CPS1: variants seen among roughly 807,000 people sequenced by gnomAD.
The protein encoded by CPS1 is carbamoyl-phosphate synthase 1.
Under a neutral mutation model 174.6 loss-of-function variants are expected in CPS1, and 109 were observed. That is an observed-to-expected ratio of 0.62 (90% CI 0.53 to 0.73). CPS1 has a LOEUF of 0.73. Ranked by LOEUF, CPS1 falls within the 30% of genes least tolerant of loss-of-function variation. The pLI, the probability that CPS1 is intolerant of heterozygous loss-of-function variation, is 0.00. For synonymous variants in CPS1, 637 were observed against 632.0 expected, an observed-to-expected ratio of 1.01 and a Z score of -0.12; for missense variants, 1,689 against 1,821.9, an observed-to-expected ratio of 0.93 and a Z score of 1.33.
intron 5 of CPS1, among the ~76,000 whole-genome samples, chr2:210,581,967 T>C (rs1053469083): frequency 6.6e-6 from 1 of 152,180 alleles, no homozygotes; most frequent in Non-Finnish European, 1.5e-5. Context: ...AACAAATAAG[T>C]AAATCTCAAG....
At chr2:210,670,788 A>G (rs1701274940) in intron 34 of CPS1, among the ~76,000 whole-genome samples, 1 of 152,170 alleles carries the variant, frequency 6.6e-6, no homozygotes, top group Non-Finnish European at 1.5e-5. Flanking sequence ...TCCTTTACAC[A>G]TACAGACTCT....
chr2:210,483,629 T>A (rs903084772), intron 1 of CPS1, among the ~76,000 whole-genome samples: 4 of 152,144 alleles, frequency 2.6e-5, no homozygotes, highest in Non-Finnish European at 4.4e-5. Flanking sequence ...ACTATATGGG[T>A]CCTCTCGTAA....
chr2:210,477,824 C>A, intron 1 of CPS1: 3 of 1,586,234 alleles, frequency 1.9e-6, no homozygotes, highest in Admixed American at 1.7e-5. Context: ...GAAGGAGCAA[C>A]TCACAAGAGA....
intron 1 of CPS1, among the ~76,000 whole-genome samples, chr2:210,527,824 A>AT (rs756150208): frequency 3.4e-4 from 51 of 151,806 alleles, no homozygotes; most frequent in Non-Finnish European, 6.8e-4. Flanking sequence ...TAAACAGAGA[A>AT]TTTTTTGTGG....
chr2:210,482,558 A>G lies in CPS1; in HGVS notation c.3+4792A>G, dbSNP rs143260452. 7.4e-3 allele frequency among the ~76,000 whole-genome samples: 1,119 copies of G among 152,040 alleles called. 13 individuals carry two copies. The highest frequency in any genetic ancestry group is 0.026 in the African/African-American group (1,060 of 41,490). ...GTGATCCGCCCGCCTCAGCTTCCCA[A>G]AGTACTGGAATTACAGATGTGAGCC... On this transcript the variant is annotated intron_variant, in intron 1 of 38. Coordinates refer to the CPS1 transcript ENST00000430249.
rs1697962765 is a variant in CPS1, at chr2:210,582,659, G to T, written c.571G>T (p.Asp191Tyr). 2 of 1,613,348 alleles carry T rather than the reference G, an allele frequency of 1.2e-6. No individual in the cohort carries two copies. The highest frequency in any genetic ancestry group is 1.7e-6 in the Non-Finnish European group (2 of 1,179,578). The change falls in exon 6 of 38, where the codon GAT (aspartate) becomes TAT (tyrosine). Residue 191 changes from aspartate (D) to tyrosine (Y), a missense_variant. Physicochemically the swap from Asp to Tyr is radical, Grantham distance 160 (BLOSUM62 -3). Transcript: ENST00000233072. ...GKIEFEGQPVDFVDPNKQNLI... is the reference protein window; with the variant it reads ...GKIEFEGQPVYFVDPNKQNLI... ...GATTGAATTTGAAGGTCAGCCTGTG[G>T]ATTTTGTGGATCCAAATAAACAGAA...
Position 210,637,709 on chromosome 2 carries a change from A to T in CPS1, c.2695A>T (p.Met899Leu), listed in dbSNP as rs369212134. 3 of 1,613,892 alleles carry T rather than the reference A, an allele frequency of 1.9e-6. No homozygotes were observed. Residue 899 changes from methionine (M) to leucine (L), a missense_variant, in exon 22 of 38, where the codon ATG becomes TTG. Met to Leu is a conservative substitution (Grantham distance 15, BLOSUM62 2). Transcript: ENST00000233072. ...TTTTCTATTAAATCCTAGTGAGTCCATGACAGAAGAAACCCTGAAAAGGGC... is the reference window on the plus strand; with the variant it reads ...TTTTCTATTAAATCCTAGTGAGTCCTTGACAGAAGAAACCCTGAAAAGGGC... ...KTLKGLNSES[M>L]TEETLKRAKE... is the part of the protein sequence containing the mutation.
chr2:210,502,644 AG>A (rs1368105285), intron 1 of CPS1, among the ~76,000 whole-genome samples: 1 of 152,022 alleles, frequency 6.6e-6, no homozygotes, highest in Non-Finnish European at 1.5e-5. Context: ...AAAAGCAAAG[AG>A]CAAAACAACT....
chr2:210,668,357 A>T (rs1701175748), intron 34 of CPS1, 73 bp downstream of exon 34: 2 of 993,782 alleles, frequency 2.0e-6, no homozygotes, highest in South Asian at 2.5e-5. Context: ...TAGAATGTTA[A>T]TTGTGGTATA....
chr2:210,512,700 A>T (rs111956282), intron 1 of CPS1, among the ~76,000 whole-genome samples: 1,640 of 123,542 alleles, frequency 0.013, 59 homozygotes, highest in African/African-American at 0.048. Flanking sequence ...AGAACAATTT[A>T]TTTTCTTTTG....
chr2:210,580,156 A>C (rs962434208), intron 5 of CPS1, among the ~76,000 whole-genome samples: 27 of 152,286 alleles, frequency 1.8e-4, no homozygotes, highest in Admixed American at 1.3e-4. Flanking sequence ...CATGCTGAAA[A>C]ATACACTCCA....
chr2:210,665,181 A>G (rs1055986243), intron 33 of CPS1, among the ~76,000 whole-genome samples: 10 of 152,312 alleles, frequency 6.6e-5, no homozygotes, highest in Admixed American at 3.9e-4. Context: ...ACTGAGTAAA[A>G]TGTTCACTGT....
chr2:210,486,143 CA>C (rs1310888173), intron 1 of CPS1, among the ~76,000 whole-genome samples: 6 of 127,266 alleles, frequency 4.7e-5, no homozygotes, highest in African/African-American at 1.8e-4. Flanking sequence ...CACACACACA[CA>C]CACACACACA....
In CPS1 at chr2:210,525,073, G is replaced by T. The variant is rs1037500938; in HGVS notation, c.4-31646G>T. 2.6e-5 allele frequency among the ~76,000 whole-genome samples: 4 copies of T among 151,878 alleles called. No individual in the cohort carries two copies. The South Asian group carries it at 8.3e-4, about 32-fold the overall frequency. ...CTTTCCCGTAGTAATAAGAACTAAGGAGTCTCTTGTCATCATCAGTCATTT... is the reference window on the plus strand; with the variant it reads ...CTTTCCCGTAGTAATAAGAACTAAGTAGTCTCTTGTCATCATCAGTCATTT... On this transcript the variant is annotated intron_variant, in intron 1 of 38. Transcript: ENST00000430249.
At chr2:210,559,716 GA>G (rs1208742652) in intron 1 of CPS1, among the ~76,000 whole-genome samples, 2 of 152,082 alleles carry the variant, frequency 1.3e-5, no homozygotes, top group African/African-American at 4.8e-5. Context: ...AAAAGATCTG[GA>G]ATCTAACCCC....
chr2:210,555,140 A>G (rs940912375), upstream of CPS1, among the ~76,000 whole-genome samples: 1 of 151,950 alleles, frequency 6.6e-6, no homozygotes, highest in Admixed American at 6.6e-5. Flanking sequence ...TCATTTTCCC[A>G]TTCTATACCC....
intron 1 of CPS1, among the ~76,000 whole-genome samples, chr2:210,535,358 C>T (rs1374023626): frequency 6.6e-6 from 1 of 152,146 alleles, no homozygotes; most frequent in East Asian, 1.9e-4. Context: ...CTCTCTTACC[C>T]CGTTCCCCTC....
intron 1 of CPS1, among the ~76,000 whole-genome samples, chr2:210,495,760 C>T (rs1509816): frequency 0.84 from 127,144 of 152,126 alleles, 54,074 homozygotes; most frequent in Non-Finnish European, 0.92. Context: ...AAGAAAAGTA[C>T]TCAGTAGGCA....
intron 10 of CPS1, 58 bp from the exon 11 acceptor site, chr2:210,592,821 G>T (rs1235930666): frequency 2.0e-6 from 3 of 1,483,746 alleles, no homozygotes; most frequent in Non-Finnish European, 2.8e-6. Flanking sequence ...ATAATACATA[G>T]CCACACTTGA....
Sources: gnomAD v4.1 joint callset for allele counts (sites outside exome capture counted in the v4.1 genomes callset) on GRCh38, gnomAD v4.1.1 for gene constraint, MANE v1.5 for transcripts, NCBI Gene and HGNC (gene_info 2026-07-23, HGNC 2026-07-21) for gene names.